TGFB1: variants seen among roughly 807,000 people sequenced by gnomAD.
TGFB1 encodes transforming growth factor beta-1 proprotein.
TGFB1 carries 19 observed loss-of-function variants against 43.8 expected under a neutral mutation model. The ratio of observed to expected loss-of-function variants is 0.43; its 90% CI spans 0.30 to 0.64. TGFB1 has a LOEUF of 0.64. Among genes scored for constraint, TGFB1 ranks in the 30% least tolerant of loss-of-function variants. TGFB1 has a pLI of 0.11. For missense variants in TGFB1, 445 were observed against 529.8 expected (o/e 0.84, Z 1.57); for synonymous variants, 221 against 236.3 (o/e 0.94, Z 0.60).
chr19:41,330,962 GTCC>G lies in TGFB1; in HGVS notation c.*87_*89del. On this transcript the variant is annotated 3_prime_UTR_variant, in exon 7 of 7. Coordinates refer to ENST00000221930, the MANE Select transcript of TGFB1 (RefSeq NM_000660.7). ...CCCCAGGTGGGCTTGGGGCACGGGT[GTCC>G]TTAAATACAGCCCCCATGGGCAAGG... 1 of 1,236,816 alleles carries G rather than the reference GTCC, an allele frequency of 8.1e-7. No individual in the cohort carries two copies. Among genetic ancestry groups the G allele is most frequent in the African/African-American group, 1.7e-5 (1 of 59,314 alleles). The allele number at this position is 1,236,816 out of a possible 1,614,324, so 76.6% of individuals were successfully genotyped here. A position where few individuals can be genotyped will look rare whatever the true frequency, so the allele number is the denominator to read the frequency against.
chr19:41,344,446 C>T (rs2038092834), intron 3 of TGFB1, among the ~76,000 whole-genome samples: 1 of 152,162 alleles, frequency 6.6e-6, no homozygotes. Flanking sequence ...GTCATCACTG[C>T]CTTACAGGTC....
In TGFB1 at chr19:41,352,927, G is replaced by C; in HGVS notation, c.118C>G (p.Leu40Val). 1 of 1,556,004 alleles carries C rather than the reference G, an allele frequency of 6.4e-7. No individual in the cohort carries two copies. Among genetic ancestry groups the C allele is most frequent in the Non-Finnish European group, 8.7e-7 (1 of 1,151,940 alleles). Residue 40 changes from leucine (L) to valine (V), a missense_variant, in exon 1 of 7, where the codon CTG (leucine) becomes GTG (valine). Transcript: ENST00000221930. ...LSTCKTIDME[L>V]VKRKRIEAIR... ...GCCTCGATGCGCTTCCGCTTCACCAGCTCCATGTCGATAGTCTTGCAGGTG... is the reference window on the plus strand; with the variant it reads ...GCCTCGATGCGCTTCCGCTTCACCACCTCCATGTCGATAGTCTTGCAGGTG...
At position 41,331,067 on chromosome 19, in the gene TGFB1, G is replaced by C; in HGVS notation, c.1158C>G (p.Ser386=). Residue 386 remains serine (S), a synonymous_variant, in exon 7 of 7, where the codon TCC becomes TCG. Transcript: ENST00000221930. ...GGGCGGGACCTCAGCTGCACTTGCA[G>C]GAGCGCACGATCATGTTGGACAGCT... ...VEQLSNMIVR[S]CKCS is the part of the protein sequence containing the mutation. 2.5e-6 allele frequency: 4 copies of C among 1,573,980 alleles called. No homozygotes were observed. In the South Asian group the frequency reaches 4.6e-5, roughly 18 times the overall value.
At chr19:41,345,491 C>A (rs139047622) in intron 2 of TGFB1, among the ~76,000 whole-genome samples, 1 of 152,044 alleles carries the variant, frequency 6.6e-6, no homozygotes, top group Non-Finnish European at 1.5e-5. Context: ...GACGAGACTT[C>A]GTCTCAAAAT....
chr19:41,352,161 G>A (rs887751056), intron 1 of TGFB1, among the ~76,000 whole-genome samples: 3 of 151,436 alleles, frequency 2.0e-5, no homozygotes, highest in Non-Finnish European at 2.9e-5. Context: ...AAGTGGGTCC[G>A]CTCTCACTTT....
At chr19:41,338,895 CA>C (rs2038020962) in intron 5 of TGFB1, among the ~76,000 whole-genome samples, 1 of 151,652 alleles carries the variant, frequency 6.6e-6, no homozygotes, top group African/African-American at 2.4e-5. Flanking sequence ...AATTCCAGTC[CA>C]CAGTAGGCTA....
At chr19:41,342,097 G>T in intron 4 of TGFB1, 67 bp from the exon 5 acceptor site, 1 of 1,613,374 alleles carries the variant, frequency 6.2e-7, no homozygotes, top group East Asian at 2.2e-5. Context: ...TAGATAAGTG[G>T]GGCGTGGGGC....
Position 41,352,841 on chromosome 19 carries a change from C to G in TGFB1, c.204G>C (p.Val68=). Reference sequence around the variant, plus strand: ...CGGCCTCGGGCAGCGGGCCGGGCGGCACCTCCCCCTGGCTCGGGGGGCTGG... The same window carrying G: ...CGGCCTCGGGCAGCGGGCCGGGCGGGACCTCCCCCTGGCTCGGGGGGCTGG... ...RLASPPSQGE[V]PPGPLPEAVL... The change falls in exon 1 of 7, where the codon GTG becomes GTC. Residue 68 remains valine, a synonymous_variant. Transcript: ENST00000221930. 6.4e-7 allele frequency: 1 copy of G among 1,573,376 alleles called. No individual in the cohort carries two copies. Among genetic ancestry groups the G allele is most frequent in the Non-Finnish European group, 8.6e-7 (1 of 1,161,702 alleles).
chr19:41,340,251 CTTTTTTTTTTTT>C (rs3061188), intron 5 of TGFB1, among the ~76,000 whole-genome samples: 92 of 125,214 alleles, frequency 7.3e-4, no homozygotes, highest in African/African-American at 2.5e-3. Context: ...CACTTTCTTT[CTTTTTTTTTTTT>C]TTTTTTTTTT....
chr19:41,352,775 C>G lies in TGFB1; in HGVS notation c.270G>C (p.Gly90=), dbSNP rs1390225590. The change falls in exon 1 of 7, where the codon GGG becomes GGC. Residue 90 remains glycine (G), a synonymous_variant. Coordinates refer to ENST00000221930, the MANE Select transcript of TGFB1 (RefSeq NM_000660.7). Reference sequence around the variant, plus strand: ...GCTCGGGCTCCGGTTCTGCACTCTCCCCGGCCACCCGGTCGCGGGTGCTGT... The same window carrying G: ...GCTCGGGCTCCGGTTCTGCACTCTCGCCGGCCACCCGGTCGCGGGTGCTGT... ...LYNSTRDRVA[G]ESAEPEPEPE... 1 of 1,610,910 alleles carries G rather than the reference C, an allele frequency of 6.2e-7. No homozygotes were observed. Among genetic ancestry groups the G allele is most frequent in the Non-Finnish European group, 8.5e-7 (1 of 1,178,276 alleles).
At chr19:41,350,118 T>A (rs893896550) in intron 1 of TGFB1, among the ~76,000 whole-genome samples, 2 of 151,916 alleles carry the variant, frequency 1.3e-5, no homozygotes, top group Admixed American at 1.3e-4. Flanking sequence ...TATGTTGAGA[T>A]CACAGGCATG....
rs1193672281 is a variant in TGFB1 at position 41,330,410 on chromosome 19, G to A, written c.*642C>T. On this transcript the variant is annotated 3_prime_UTR_variant, in exon 7 of 7. Transcript: ENST00000221930. ...CCACAGGTGTACATTTTTTAAAAGT[G>A]TTTTGTAGAGATAGGGTCTCACTAT... The A allele has an allele frequency of 6.6e-6, 1 of 152,100 alleles. No homozygotes were observed. Among genetic ancestry groups the A allele is most frequent in the Non-Finnish European group, 1.5e-5 (1 of 68,028 alleles). The allele number at this position is 152,100 out of a possible 1,614,324, so 9.4% of individuals were successfully genotyped here. A position where few individuals can be genotyped will look rare whatever the true frequency, so the allele number is the denominator to read the frequency against.
At chr19:41,338,365 G>A (rs1416331867) in intron 5 of TGFB1, among the ~76,000 whole-genome samples, 22 of 151,264 alleles carry the variant, frequency 1.5e-4, no homozygotes. Flanking sequence ...ATGGTGGCAG[G>A]TGCCTATAAT....
Position 41,332,418 on chromosome 19 carries a change from C to G in TGFB1, c.861-137G>C, listed in dbSNP as rs928648368. On this transcript the variant is annotated intron_variant, in intron 5 of 6. Transcript: ENST00000221930. ...TCCATCTGGGTCTCCCTTGCACCCA[C>G]TGTGTTAATAACAACACAAATAGTC... 7 of 930,152 alleles carry G rather than the reference C, an allele frequency of 7.5e-6. No individual in the cohort carries two copies. In the African/African-American group the frequency reaches 9.8e-5, roughly 13 times the overall value. The allele number at this position is 930,152 out of a possible 1,614,324, so 57.6% of individuals were successfully genotyped here. A position where few individuals can be genotyped will look rare whatever the true frequency, so the allele number is the denominator to read the frequency against.
intron 5 of TGFB1, among the ~76,000 whole-genome samples, chr19:41,337,045 C>T (rs534712377): frequency 4.4e-4 from 67 of 151,988 alleles, no homozygotes; most frequent in South Asian, 2.1e-4. Context: ...GCAACCTGTG[C>T]CTCCCAGGTT....
At position 41,345,370 on chromosome 19, in the gene TGFB1, G is replaced by A. The variant is rs144114219; in HGVS notation, c.517-506C>T. 1.9e-3 allele frequency among the ~76,000 whole-genome samples: 285 copies of A among 151,892 alleles called. 11 individuals carry two copies. In the East Asian group the frequency reaches 0.043, roughly 23 times the overall value. ...AAATTAGCCAGGCATGGTGGCACAC[G>A]CCTGTAGTCGCCACTATTTGGGAGG... On this transcript the variant is annotated intron_variant, in intron 2 of 6. Transcript: ENST00000221930.
chr19:41,349,624 C>T (rs2038159195), intron 1 of TGFB1, among the ~76,000 whole-genome samples: 1 of 152,040 alleles, frequency 6.6e-6, no homozygotes, highest in South Asian at 2.1e-4. Flanking sequence ...AGGCATGGTG[C>T]CGGACGGCTC....
chr19:41,351,885 C>T (rs2038203132), intron 1 of TGFB1, among the ~76,000 whole-genome samples: 1 of 151,922 alleles, frequency 6.6e-6, no homozygotes, highest in African/African-American at 2.4e-5. Flanking sequence ...CTCGGTAAAG[C>T]CCTTCCCATG....
intron 5 of TGFB1, among the ~76,000 whole-genome samples, chr19:41,334,504 C>T (rs1442803229): frequency 7.0e-6 from 1 of 142,316 alleles, no homozygotes; most frequent in Non-Finnish European, 1.5e-5. Context: ...TCTTGGCTCA[C>T]TGCAACCTCT....
Sources: allele counts gnomAD v4.1 joint callset (sites outside exome capture counted in the v4.1 genomes callset), GRCh38; gene constraint gnomAD v4.1.1; transcripts MANE v1.5; gene names NCBI Gene and HGNC (gene_info 2026-07-23, HGNC 2026-07-21).